STAU2: variants seen among roughly 807,000 people sequenced by gnomAD.
The protein encoded by STAU2 is double-stranded RNA-binding protein Staufen homolog 2.
STAU2 carries 20 observed loss-of-function variants against 65.9 expected under a neutral mutation model. The ratio of observed to expected loss-of-function variants is 0.30; its 90% CI spans 0.21 to 0.44. The LOEUF (loss-of-function observed/expected upper bound fraction) is 0.44. STAU2 is among the 20% of genes least tolerant of loss of function. The pLI, the probability that STAU2 is intolerant of heterozygous loss-of-function variation, is 1.00. For synonymous variants in STAU2, 232 were observed against 233.9 expected, an observed-to-expected ratio of 0.99 and a Z score of 0.07; for missense variants, 558 against 683.9, an observed-to-expected ratio of 0.82 and a Z score of 2.05.
In STAU2 at chr8:73,595,157, A is replaced by C. The variant is rs374388481; in HGVS notation, c.1161+9T>G. The C allele has an allele frequency of 1.3e-6, 2 of 1,595,428 alleles. No individual in the cohort carries two copies. The highest frequency in any genetic ancestry group is 2.7e-5 in the African/African-American group (2 of 74,124). ...AGATAGGATACATACATGTAAACTT[A>C]ACTCTTACCTTCTCAAGTTGATCCT... is the stretch of plus-strand genomic sequence containing the variant. On this transcript the variant is annotated intron_variant, in intron 11 of 14. Transcript: ENST00000524300.
chr8:73,666,824 T>C (rs1020367418), intron 6 of STAU2, among the ~76,000 whole-genome samples: 2 of 152,174 alleles, frequency 1.3e-5, no homozygotes, highest in Admixed American at 6.5e-5. Flanking sequence ...AATCCTAAAC[T>C]GCCATTTTCT....
chr8:73,702,546 A>G (rs1355364902), intron 4 of STAU2, among the ~76,000 whole-genome samples: 1 of 152,164 alleles, frequency 6.6e-6, no homozygotes, highest in African/African-American at 2.4e-5. Context: ...AAATATATAT[A>G]CCTACTATGT....
intron 4 of STAU2, among the ~76,000 whole-genome samples, chr8:73,700,619 T>A (rs1168477393): frequency 1.3e-5 from 2 of 152,006 alleles, no homozygotes; most frequent in African/African-American, 4.8e-5. Flanking sequence ...ACCAAGGAAG[T>A]GAACGATCTC....
chr8:73,687,355 A>ATT (rs1563506900), intron 5 of STAU2, among the ~76,000 whole-genome samples: 3 of 17,328 alleles, frequency 1.7e-4, no homozygotes, highest in African/African-American at 5.2e-4. Flanking sequence ...TATAATTTAT[A>ATT]TAATATAAAT....
At chr8:73,523,952 T>A (rs1823204961) in intron 13 of STAU2, among the ~76,000 whole-genome samples, 3 of 151,982 alleles carry the variant, frequency 2.0e-5, no homozygotes, top group Non-Finnish European at 4.4e-5. Context: ...GACGCTGAGG[T>A]GGGAGGATTG....
chr8:73,481,524 A>AAC lies in STAU2; in HGVS notation c.1531-58823_1531-58822insGT, dbSNP rs1030371161. Among the ~76,000 whole-genome samples, 765 of 150,266 alleles carry AAC rather than the reference A, an allele frequency of 5.1e-3. 18 individuals carry two copies. Among genetic ancestry groups the AAC allele is most frequent in the African/African-American group, 0.018 (725 of 40,970 alleles). On this transcript the variant is annotated intron_variant, in intron 13 of 14. Coordinates refer to ENST00000524300, the MANE Select transcript of STAU2 (RefSeq NM_001164380.2). The stretch of plus-strand genomic sequence containing the variant: ...CCAAAAAAACAAAAAAACAAAAAAA[A>AAC]AAAACACTTTTTTTGAGTGAACCAA...
intron 13 of STAU2, among the ~76,000 whole-genome samples, chr8:73,461,959 T>G (rs1585804904): frequency 1.3e-5 from 2 of 152,222 alleles, no homozygotes; most frequent in African/African-American, 4.8e-5. Flanking sequence ...TTTGATTACC[T>G]AAGCCATGCC....
intron 11 of STAU2, among the ~76,000 whole-genome samples, chr8:73,591,301 GA>G (rs1158692582): frequency 6.6e-6 from 1 of 150,898 alleles, no homozygotes; most frequent in Admixed American, 6.6e-5. Flanking sequence ...GGTCAAAAAA[GA>G]AAAAAAGTAA....
chr8:73,568,445 A>T (rs1295540115), intron 12 of STAU2, among the ~76,000 whole-genome samples: 1 of 151,974 alleles, frequency 6.6e-6, no homozygotes, highest in Non-Finnish European at 1.5e-5. Context: ...TAGTCGGGGG[A>T]GTGGGGGCAA....
intron 13 of STAU2, among the ~76,000 whole-genome samples, chr8:73,426,232 A>C (rs1816816471): frequency 6.6e-6 from 1 of 152,030 alleles, no homozygotes; most frequent in South Asian, 2.1e-4. Flanking sequence ...ACAATGTTGC[A>C]ATACACATAA....
chr8:73,714,471 A>G (rs188057889), intron 3 of STAU2, among the ~76,000 whole-genome samples: 67 of 152,342 alleles, frequency 4.4e-4, no homozygotes, highest in Admixed American at 3.0e-3. Context: ...AAACTGCTCC[A>G]TTTTTAACAG....
chr8:73,633,326 C>T (rs895990999), intron 6 of STAU2, among the ~76,000 whole-genome samples: 2 of 152,272 alleles, frequency 1.3e-5, no homozygotes. Flanking sequence ...TAGAGTGGCT[C>T]CACAGCACCC....
chr8:73,563,785 G>A (rs1001817881), intron 12 of STAU2, among the ~76,000 whole-genome samples: 5 of 152,130 alleles, frequency 3.3e-5, no homozygotes, highest in African/African-American at 1.2e-4. Context: ...TTACATGCAT[G>A]AGCTACCATG....
intron 13 of STAU2, among the ~76,000 whole-genome samples, chr8:73,483,855 G>A (rs1265323936): frequency 6.6e-6 from 1 of 152,148 alleles, no homozygotes; most frequent in Non-Finnish European, 1.5e-5. Context: ...ATGCCTACAT[G>A]CATCTAACAT....
intron 4 of STAU2, among the ~76,000 whole-genome samples, chr8:73,700,624 G>A (rs1046663261): frequency 3.3e-5 from 5 of 151,808 alleles, no homozygotes; most frequent in Admixed American, 1.3e-4. Context: ...GGAAGTGAAC[G>A]ATCTCTACAA....
At chr8:73,458,453 A>C (rs1215910472) in intron 13 of STAU2, among the ~76,000 whole-genome samples, 1 of 152,246 alleles carries the variant, frequency 6.6e-6, no homozygotes, top group Non-Finnish European at 1.5e-5. Flanking sequence ...GAAAGAGAAA[A>C]AAGCCTGCAG....
intron 12 of STAU2, among the ~76,000 whole-genome samples, chr8:73,553,751 T>G (rs193113763): frequency 7.7e-4 from 117 of 151,956 alleles, no homozygotes; most frequent in Non-Finnish European, 1.9e-4. Context: ...ACTTTTTCAG[T>G]TTATGGTATT....
intron 3 of STAU2, among the ~76,000 whole-genome samples, chr8:73,737,407 G>C (rs1806511897): frequency 1.3e-5 from 2 of 152,080 alleles, no homozygotes; most frequent in Admixed American, 6.6e-5. Flanking sequence ...CCGACCTCAG[G>C]TGATCTGCCC....
intron 3 of STAU2, among the ~76,000 whole-genome samples, chr8:73,712,596 T>C (rs751468160): frequency 6.6e-6 from 1 of 152,184 alleles, no homozygotes; most frequent in African/African-American, 2.4e-5. Flanking sequence ...AAAAAGTTTA[T>C]AAAACTAAGT....
Sources: gnomAD v4.1 joint callset for allele counts (sites outside exome capture counted in the v4.1 genomes callset) on GRCh38, gnomAD v4.1.1 for gene constraint, MANE v1.5 for transcripts, NCBI Gene and HGNC (gene_info 2026-07-23, HGNC 2026-07-21) for gene names.